The following FRMPD2 variants were observed in gnomAD, a reference collection of about 807,000 sequenced individuals.
The protein encoded by FRMPD2 is FERM and PDZ domain containing 2, also known as FERM and PDZ domain-containing protein 2.
FRMPD2 carries 96 observed loss-of-function variants against 140.1 expected under a neutral mutation model. That is an observed-to-expected ratio of 0.69 (90% CI 0.58 to 0.81). The LOEUF is 0.81. Among genes scored for constraint, FRMPD2 ranks in the 40% least tolerant of loss-of-function variants. The pLI is 0.00. For missense variants in FRMPD2, 1,240 were observed against 1,447.4 expected (o/e 0.86, Z 2.32); for synonymous variants, 449 against 547.6 (o/e 0.82, Z 2.52).
chr10:48,274,773 C>G, upstream of FRMPD2: 3 of 589,518 alleles, frequency 5.1e-6, no homozygotes, highest in South Asian at 4.0e-5. Context: ...CTCTCATTCC[C>G]TGGGTCCTGC....
chr10:48,211,455 G>A (rs2131882785), intron 13 of FRMPD2, among the ~76,000 whole-genome samples: 1 of 152,254 alleles, frequency 6.6e-6, no homozygotes, highest in East Asian at 1.9e-4. Context: ...AAGAAATGTG[G>A]TCTCCCTGCT....
intron 15 of FRMPD2, among the ~76,000 whole-genome samples, chr10:48,193,975 C>G (rs578187439): frequency 6.6e-6 from 1 of 152,308 alleles, no homozygotes; most frequent in East Asian, 1.9e-4. Flanking sequence ...CACTCACATA[C>G]AGTAGGCAAA....
intron 13 of FRMPD2, among the ~76,000 whole-genome samples, chr10:48,210,348 T>C (rs1839292508): frequency 6.6e-6 from 1 of 152,220 alleles, no homozygotes; most frequent in African/African-American, 2.4e-5. Flanking sequence ...ATTCAGTGCT[T>C]TCTGTGAATG....
intron 10 of FRMPD2, among the ~76,000 whole-genome samples, chr10:48,224,302 C>T (rs1201687589): frequency 3.9e-5 from 6 of 152,202 alleles, no homozygotes; most frequent in Non-Finnish European, 8.8e-5. Context: ...CTACCACACA[C>T]TCAAAGTGGC....
chr10:48,201,177 T>G, intron 15 of FRMPD2, 51 bp downstream of exon 15: 26 of 1,410,738 alleles, frequency 1.8e-5, no homozygotes, highest in South Asian at 3.1e-5. Context: ...AATTATTTTA[T>G]GAAATAACAA....
chr10:48,182,393 C>T (rs558420383), intron 20 of FRMPD2, among the ~76,000 whole-genome samples: 1 of 152,156 alleles, frequency 6.6e-6, no homozygotes, highest in African/African-American at 2.4e-5. Flanking sequence ...GCTGGGAGAC[C>T]TTTTTTGGTA....
chr10:48,182,880 G>A (rs1838586140), intron 20 of FRMPD2, among the ~76,000 whole-genome samples: 1 of 152,234 alleles, frequency 6.6e-6, no homozygotes, highest in South Asian at 2.1e-4. Context: ...TGGAGGATGT[G>A]GAAGAAAACA....
At chr10:48,235,097 T>C (rs1407050861) in intron 9 of FRMPD2, among the ~76,000 whole-genome samples, 1 of 152,052 alleles carries the variant, frequency 6.6e-6, no homozygotes, top group Non-Finnish European at 1.5e-5. Flanking sequence ...CCCTCTGACT[T>C]GCAAGCCCCA....
chr10:48,268,580 C>A (rs909119280), intron 1 of FRMPD2, among the ~76,000 whole-genome samples: 3 of 152,144 alleles, frequency 2.0e-5, no homozygotes, highest in Admixed American at 6.5e-5. Flanking sequence ...CAATAAAGAG[C>A]AAACTATTGA....
rs551477534 is a variant in FRMPD2, at chr10:48,189,081, A to T, written c.2166-1789T>A. ...ACAAGTGGTTAGGATGGTAGGTGTT[A>T]TATTATGTGTATTTTACCACCATTT... is the stretch of plus-strand genomic sequence containing the variant. On this transcript the variant is annotated intron_variant, in intron 16 of 28. Coordinates refer to ENST00000374201, the MANE Select transcript of FRMPD2 (RefSeq NM_001018071.4). 4.5e-4 allele frequency among the ~76,000 whole-genome samples: 68 copies of T among 152,298 alleles called. No individual in the cohort carries two copies. The South Asian group carries it at 0.013, about 30-fold the overall frequency.
chr10:48,234,379 G>T (rs1176660475), intron 9 of FRMPD2, among the ~76,000 whole-genome samples: 1 of 152,242 alleles, frequency 6.6e-6, no homozygotes, highest in African/African-American at 2.4e-5. Context: ...ACAGGGTGCT[G>T]CCTCTTCATG....
At chr10:48,251,478 A>C in intron 2 of FRMPD2, 88 bp downstream of exon 2, 1 of 1,543,288 alleles carries the variant, frequency 6.5e-7, no homozygotes. Context: ...GGTTGATTTA[A>C]AAAAGCAGCA....
intron 15 of FRMPD2, among the ~76,000 whole-genome samples, chr10:48,198,402 A>G (rs898763956): frequency 6.6e-6 from 1 of 152,200 alleles, no homozygotes; most frequent in Admixed American, 6.5e-5. Flanking sequence ...GAAGAAAATT[A>G]AATAACATTG....
At chr10:48,222,596 G>A in intron 11 of FRMPD2, 145 bp from the exon 12 acceptor site, 1 of 819,596 alleles carries the variant, frequency 1.2e-6, no homozygotes, top group East Asian at 2.6e-5. Flanking sequence ...ATGCCAGCAA[G>A]ACAAGTGTGG....
intron 10 of FRMPD2, among the ~76,000 whole-genome samples, chr10:48,230,525 C>A (rs1588843125): frequency 6.6e-6 from 1 of 152,178 alleles, no homozygotes; most frequent in Non-Finnish European, 1.5e-5. Flanking sequence ...TGGTCAACCA[C>A]TATTCTTGAT....
chr10:48,190,881 G>A (rs983160564), intron 16 of FRMPD2, among the ~76,000 whole-genome samples: 8 of 152,280 alleles, frequency 5.3e-5, no homozygotes, highest in African/African-American at 1.7e-4. Context: ...GATGCTTTGC[G>A]GGCAACACAT....
At position 48,241,229 on chromosome 10, in the gene FRMPD2, G is replaced by A. The variant is rs148651264; in HGVS notation, c.568-737C>T. On this transcript the variant is annotated intron_variant, in intron 5 of 28. Coordinates refer to ENST00000374201, the MANE Select transcript of FRMPD2 (RefSeq NM_001018071.4). ...CCTTCTCTGATTGACTGTTGCCGCT[G>A]TCCACCCTGCTGTCCCCACATCTCC... Among the ~76,000 whole-genome samples the A allele has an allele frequency of 1.9e-3, 285 of 152,232 alleles. 2 individuals are homozygous for A. Among genetic ancestry groups the A allele is most frequent in the African/African-American group, 6.5e-3 (272 of 41,540 alleles).
intron 1 of FRMPD2, among the ~76,000 whole-genome samples, chr10:48,266,320 C>T (rs538099482): frequency 4.0e-4 from 61 of 152,144 alleles, no homozygotes; most frequent in African/African-American, 1.4e-3. Flanking sequence ...CCTGGTGACA[C>T]GAGATTTCCC....
chr10:48,256,195 A>G (rs1014766310), intron 1 of FRMPD2, among the ~76,000 whole-genome samples: 1 of 152,162 alleles, frequency 6.6e-6, no homozygotes, highest in Non-Finnish European at 1.5e-5. Flanking sequence ...AATCAAGGGC[A>G]AAGCTCGCAT....
Sources: gnomAD v4.1 joint callset for allele counts (sites outside exome capture counted in the v4.1 genomes callset) on GRCh38, gnomAD v4.1.1 for gene constraint, MANE v1.5 for transcripts, NCBI Gene and HGNC (gene_info 2026-07-23, HGNC 2026-07-21) for gene names.